The following IL12RB2 variants were observed in gnomAD, a reference collection of about 807,000 sequenced individuals.
IL12RB2 encodes the protein interleukin-12 receptor subunit beta-2.
Under a neutral mutation model 89.4 loss-of-function variants are expected in IL12RB2, and 82 were observed. The ratio of observed to expected loss-of-function variants is 0.92; its 90% CI spans 0.77 to 1.10. The LOEUF (loss-of-function observed/expected upper bound fraction) is 1.10. Among genes scored for constraint, IL12RB2 ranks in the 50% least tolerant of loss-of-function variants. The probability of loss-of-function intolerance (pLI) is 0.00; values close to 1 mark genes in which losing one functional copy is unlikely to be tolerated. For synonymous variants in IL12RB2, 368 were observed against 370.1 expected, an observed-to-expected ratio of 0.99 and a Z score of 0.07; for missense variants, 963 against 1,031.9, an observed-to-expected ratio of 0.93 and a Z score of 0.92.
At chr1:67,323,132 A>T (rs2100613632) in intron 4 of IL12RB2, among the ~76,000 whole-genome samples, 1 of 151,000 alleles carries the variant, frequency 6.6e-6, no homozygotes, top group African/African-American at 2.5e-5. Flanking sequence ...CCTCTCTGTG[A>T]CCTATAAGGA....
intron 8 of IL12RB2, among the ~76,000 whole-genome samples, chr1:67,335,363 C>G (rs574270360): frequency 6.6e-6 from 1 of 152,254 alleles, no homozygotes; most frequent in Admixed American, 6.5e-5. Context: ...ACTGGGACAT[C>G]ATTAACAGTG....
At chr1:67,340,120 A>T (rs1659352831) in intron 9 of IL12RB2, among the ~76,000 whole-genome samples, 1 of 152,176 alleles carries the variant, frequency 6.6e-6, no homozygotes, top group Non-Finnish European at 1.5e-5. Flanking sequence ...TTAAGAAATG[A>T]GTGATTTCTT....
At chr1:67,339,175 T>C (rs959993023) in intron 9 of IL12RB2, among the ~76,000 whole-genome samples, 4 of 152,156 alleles carry the variant, frequency 2.6e-5, no homozygotes, top group African/African-American at 7.2e-5. Flanking sequence ...ACTTTAGGAA[T>C]AGTAATAGTG....
intron 8 of IL12RB2, among the ~76,000 whole-genome samples, chr1:67,333,094 G>A (rs1311767706): frequency 6.6e-6 from 1 of 152,162 alleles, no homozygotes; most frequent in African/African-American, 2.4e-5. Context: ...TTCATAAAGA[G>A]AGAAACCCAT....
chr1:67,377,233 G>A (rs1366213200), intron 13 of IL12RB2, among the ~76,000 whole-genome samples: 2 of 152,164 alleles, frequency 1.3e-5, no homozygotes, highest in African/African-American at 2.4e-5. Flanking sequence ...TGTATTGTCA[G>A]TGCCTTGTCC....
chr1:67,358,655 CAA>C (rs1661658691), intron 10 of IL12RB2, among the ~76,000 whole-genome samples: 1 of 150,970 alleles, frequency 6.6e-6, no homozygotes, highest in African/African-American at 2.4e-5. Flanking sequence ...TTCAGAGGAA[CAA>C]GATGTAAGGA....
At position 67,381,640 on chromosome 1, in the gene IL12RB2, C is replaced by A. The variant is rs578172547; in HGVS notation, c.1855+1517C>A. On this transcript the variant is annotated intron_variant, in intron 14 of 16. Coordinates refer to ENST00000674203, the MANE Select transcript of IL12RB2 (RefSeq NM_001374259.2). The stretch of plus-strand genomic sequence containing the variant: ...AATTAGCCGGGCATGGTGGCGGGCG[C>A]CTGTAGTCCTGGCTACTCGGGAGGC... 2.0e-5 allele frequency among the ~76,000 whole-genome samples: 3 copies of A among 152,160 alleles called. No individual in the cohort carries two copies. The East Asian group carries it at 5.8e-4, about 29-fold the overall frequency.
At chr1:67,318,002 G>T (rs1296897694) in intron 2 of IL12RB2, among the ~76,000 whole-genome samples, 1 of 152,200 alleles carries the variant, frequency 6.6e-6, no homozygotes, top group Non-Finnish European at 1.5e-5. Context: ...GCGTCGGAGG[G>T]ATAGAGACAG....
chr1:67,355,925 T>G (rs1661345529), intron 10 of IL12RB2, among the ~76,000 whole-genome samples: 1 of 152,208 alleles, frequency 6.6e-6, no homozygotes, highest in Admixed American at 6.5e-5. Context: ...CAATGCCAAG[T>G]TGATTTACTT....
At chr1:67,366,109 GAA>G (rs1662634602) in intron 10 of IL12RB2, among the ~76,000 whole-genome samples, 1 of 152,116 alleles carries the variant, frequency 6.6e-6, no homozygotes, top group Non-Finnish European at 1.5e-5. Flanking sequence ...CATGGAAGGG[GAA>G]AGTCAAATAA....
chr1:67,391,875 C>G lies in IL12RB2; in HGVS notation c.2046+1747C>G, dbSNP rs182742136. Among the ~76,000 whole-genome samples, 348 of 152,076 alleles carry G rather than the reference C, an allele frequency of 2.3e-3. 7 individuals carry two copies. Among genetic ancestry groups the G allele is most frequent in the Admixed American group, 0.022 (335 of 15,250 alleles). On this transcript the variant is annotated intron_variant, in intron 16 of 16. Coordinates refer to ENST00000674203, the MANE Select transcript of IL12RB2 (RefSeq NM_001374259.2). ...AGCCAGGATGGTCTCAATCTCCTGA[C>G]CTCGTGATCCACCCGCCTCGGCCTC... is the stretch of plus-strand genomic sequence containing the variant.
intron 5 of IL12RB2, among the ~76,000 whole-genome samples, chr1:67,327,088 G>A (rs1657422691): frequency 6.6e-6 from 1 of 151,806 alleles, no homozygotes; most frequent in African/African-American, 2.4e-5. Context: ...AGCCTCCTGA[G>A]TGGCTGGGAT....
Position 67,308,340 on chromosome 1 carries a change from C to T in IL12RB2, c.-125+373C>T, listed in dbSNP as rs186432976. On this transcript the variant is annotated intron_variant, in intron 1 of 16. Coordinates refer to ENST00000674203, the MANE Select transcript of IL12RB2 (RefSeq NM_001374259.2). ...GCGACTGGAAAAGGGCAGAGGGCAC[C>T]CCTGAGGGTCCAGCCTTGGTTCAGG... Among the ~76,000 whole-genome samples the T allele has an allele frequency of 5.9e-4, 90 of 152,058 alleles. 1 individual carries two copies. In the South Asian group the frequency reaches 0.011, roughly 18 times the overall value.
chr1:67,377,509 C>T (rs1018146517), intron 13 of IL12RB2, among the ~76,000 whole-genome samples: 9 of 152,138 alleles, frequency 5.9e-5, no homozygotes, highest in African/African-American at 1.9e-4. Context: ...TCTTTTGTTA[C>T]CAAACAGATA....
At chr1:67,386,763 C>A in intron 15 of IL12RB2, 94 bp downstream of exon 15, 1 of 859,104 alleles carries the variant, frequency 1.2e-6, no homozygotes, top group Non-Finnish European at 2.0e-6. Context: ...GACACTCTCA[C>A]ACATTCCTGG....
At chr1:67,356,060 A>C (rs1321396833) in intron 10 of IL12RB2, among the ~76,000 whole-genome samples, 2 of 152,254 alleles carry the variant, frequency 1.3e-5, no homozygotes, top group African/African-American at 4.8e-5. Flanking sequence ...TTTTATTCTC[A>C]AAAAACAAAA....
intron 16 of IL12RB2, among the ~76,000 whole-genome samples, chr1:67,391,982 T>C (rs7535281): frequency 0.47 from 71,063 of 151,898 alleles, 18,790 homozygotes; most frequent in Non-Finnish European, 0.58. Flanking sequence ...CATGAGGAAA[T>C]TGAGGCACAG....
At chr1:67,324,156 T>C (rs1238457578) in intron 4 of IL12RB2, among the ~76,000 whole-genome samples, 1 of 152,254 alleles carries the variant, frequency 6.6e-6, no homozygotes, top group Non-Finnish European at 1.5e-5. Flanking sequence ...TGTGTAAATA[T>C]ATATATAAAC....
At chr1:67,334,934 T>G (rs2100715256) in intron 8 of IL12RB2, among the ~76,000 whole-genome samples, 1 of 152,298 alleles carries the variant, frequency 6.6e-6, no homozygotes, top group Middle Eastern at 3.4e-3. Flanking sequence ...TCTTTTTGCT[T>G]GAGGCTTGAG....
Sources: gnomAD v4.1 joint callset for allele counts (sites outside exome capture counted in the v4.1 genomes callset) on GRCh38, gnomAD v4.1.1 for gene constraint, MANE v1.5 for transcripts, NCBI Gene and HGNC (gene_info 2026-07-23, HGNC 2026-07-21) for gene names.